The following COX11 variants were observed in gnomAD, a reference collection of about 807,000 sequenced individuals.
COX11 encodes cytochrome c oxidase assembly protein COX11, mitochondrial.
COX11 carries 18 observed loss-of-function variants against 29.4 expected under a neutral mutation model. The ratio of observed to expected loss-of-function variants is 0.61; its 90% CI spans 0.42 to 0.91. COX11 has a LOEUF of 0.91. Ranked by LOEUF, COX11 falls within the 40% of genes least tolerant of loss-of-function variation. The pLI, the probability that COX11 is intolerant of heterozygous loss-of-function variation, is 0.00. For synonymous variants in COX11, 131 were observed against 124.0 expected, an observed-to-expected ratio of 1.06 and a Z score of -0.38; for missense variants, 312 against 346.0, an observed-to-expected ratio of 0.90 and a Z score of 0.78.
chr17:54,956,300 A>G (rs2049499567), downstream of COX11, among the ~76,000 whole-genome samples: 1 of 151,952 alleles, frequency 6.6e-6, no homozygotes, highest in African/African-American at 2.4e-5. Flanking sequence ...GTGTGCTACC[A>G]TGCCTGGCTA....
At chr17:54,956,841 G>C (rs1036130897), downstream of COX11, 1 of 150,038 alleles carries the variant, frequency 6.7e-6, no homozygotes, top group Non-Finnish European at 1.5e-5. Flanking sequence ...GGTTTTATGG[G>C]GTGATAGAGA....
downstream of COX11, among the ~76,000 whole-genome samples, chr17:54,956,489 G>A (rs1366377841): frequency 9.2e-5 from 14 of 152,082 alleles, no homozygotes; most frequent in Non-Finnish European, 2.1e-4. Flanking sequence ...TGTATATTTA[G>A]TAGAGACAGG....
At position 54,968,407 on chromosome 17, in the gene COX11, G is replaced by T. The variant is rs369467068; in HGVS notation, c.240C>A (p.Phe80Leu). 1.9e-6 allele frequency: 3 copies of T among 1,613,466 alleles called. No individual in the cohort carries two copies. Residue 80 changes from phenylalanine (F) to leucine (L), a missense_variant, in exon 1 of 4, where the codon TTC becomes TTA. Around this residue, in one of 2 missense-constraint regions of COX11, gnomAD observed 130 missense variants for 106.0 expected, o/e 1.23. Transcript: ENST00000299335. ...GCCGCTCCTCCTCCTGCGCGCGTGT[G>T]AAAGGGTTCGAGCTCTTAGGCCGCC... ...PPRRPKSSNPFTRAQEEERRR... is the reference protein window; with the variant it reads ...PPRRPKSSNPLTRAQEEERRR...
chr17:54,966,780 T>C (rs753714378), intron 1 of COX11, among the ~76,000 whole-genome samples: 7 of 152,346 alleles, frequency 4.6e-5, no homozygotes, highest in Non-Finnish European at 8.8e-5. Flanking sequence ...ATACTCATCC[T>C]CAAAATCAAC....
At chr17:54,966,656 T>C (rs1216932740) in intron 1 of COX11, among the ~76,000 whole-genome samples, 1 of 152,230 alleles carries the variant, frequency 6.6e-6, no homozygotes, top group African/African-American at 2.4e-5. Context: ...CCTGGCGGTC[T>C]GAGAAGGATC....
chr17:54,968,754 C>G, upstream of COX11: 1 of 1,335,670 alleles, frequency 7.5e-7, no homozygotes, highest in South Asian at 1.4e-5. Context: ...GCCTTGGCTA[C>G]CAGGCTCCTC....
downstream of COX11, among the ~76,000 whole-genome samples, chr17:54,959,037 T>C (rs2077037800): frequency 6.6e-6 from 1 of 152,174 alleles, no homozygotes. Context: ...AGTTTCCATA[T>C]CAAGACATTT....
In COX11 at chr17:54,961,153, C is replaced by T. The variant is rs2077113145; in HGVS notation, c.*1580G>A. Reference sequence around the variant, plus strand: ...ACTAGACTGTGACTCTCCAGCTTCCCAGTAAAGACAAGAGAGTTATCAAGG... The same window carrying T: ...ACTAGACTGTGACTCTCCAGCTTCCTAGTAAAGACAAGAGAGTTATCAAGG... On this transcript the variant is annotated 3_prime_UTR_variant, in exon 4 of 4. Coordinates refer to ENST00000299335, the MANE Select transcript of COX11 (RefSeq NM_004375.5). 2.0e-6 allele frequency: 2 copies of T among 978,180 alleles called. No individual in the cohort carries two copies. Among genetic ancestry groups the T allele is most frequent in the East Asian group, 5.2e-5 (2 of 38,364 alleles). The allele number at this position is 978,180 out of a possible 1,614,324, so 60.6% of individuals were successfully genotyped here.
chr17:54,956,796 C>T (rs538412945), downstream of COX11: 2 of 152,208 alleles, frequency 1.3e-5, no homozygotes, highest in African/African-American at 2.4e-5. Flanking sequence ...AATAAAGCAC[C>T]GGGCATAGTC....
chr17:54,964,918 A>G, intron 1 of COX11, 66 bp from the exon 2 acceptor site: 1 of 1,494,994 alleles, frequency 6.7e-7, no homozygotes, highest in East Asian at 2.3e-5. Context: ...TATTTGATAA[A>G]AGTTTAAAAA....
downstream of COX11, among the ~76,000 whole-genome samples, chr17:54,959,826 A>G (rs191598173): frequency 5.9e-4 from 90 of 152,160 alleles, no homozygotes; most frequent in Admixed American, 1.4e-3. Flanking sequence ...CATGTTGTTC[A>G]TACTGGTCTT....
chr17:54,965,618 G>C (rs1211672691), intron 1 of COX11, among the ~76,000 whole-genome samples: 3 of 152,096 alleles, frequency 2.0e-5, no homozygotes, highest in Non-Finnish European at 4.4e-5. Context: ...CATGAGGTCA[G>C]GAGATGGAGA....
chr17:54,968,638 C>G lies in COX11; in HGVS notation c.9G>C (p.Gly3=), dbSNP rs773236524. 1.5e-5 allele frequency: 24 copies of G among 1,612,006 alleles called. No individual in the cohort carries two copies. The highest frequency in any genetic ancestry group is 1.9e-5 in the Non-Finnish European group (23 of 1,179,870). The change falls in exon 1 of 4, where the codon GGG becomes GGC. Residue 3 remains glycine (G), a synonymous_variant. Coordinates refer to ENST00000299335, the MANE Select transcript of COX11 (RefSeq NM_004375.5). MG[G]LWRPGWRCVP... ...CGCACCTCCATCCAGGACGCCAGAG[C>G]CCTCCCATAACCCTCTGAACTAACA...
At chr17:54,968,714 T>C, upstream of COX11, 2 of 1,517,182 alleles carry the variant, frequency 1.3e-6, no homozygotes, top group Middle Eastern at 1.8e-4. Context: ...GCGTGCTCCG[T>C]CTCGCGAGAT....
chr17:54,968,110 C>T (rs1047235500), intron 1 of COX11, among the ~76,000 whole-genome samples, 171 bp downstream of exon 1: 1 of 148,472 alleles, frequency 6.7e-6, no homozygotes, highest in African/African-American at 2.5e-5. Flanking sequence ...TCACCAATTT[C>T]TTTGGTGACT....
chr17:54,966,789 A>G (rs1402167713), intron 1 of COX11, among the ~76,000 whole-genome samples: 1 of 152,236 alleles, frequency 6.6e-6, no homozygotes, highest in East Asian at 1.9e-4. Flanking sequence ...CTCAAAATCA[A>G]CTATTGCACA....
intron 2 of COX11, among the ~76,000 whole-genome samples, chr17:54,964,182 A>G (rs2077180615): frequency 1.3e-5 from 2 of 152,176 alleles, no homozygotes; most frequent in Admixed American, 1.3e-4. Context: ...AAATTTTAGG[A>G]AAGCGTTTAG....
At chr17:54,959,813 T>C (rs947513651), downstream of COX11, among the ~76,000 whole-genome samples, 3 of 152,016 alleles carry the variant, frequency 2.0e-5, no homozygotes, top group Non-Finnish European at 4.4e-5. Flanking sequence ...GATGGTATTT[T>C]GCCATGTTGT....
Position 54,968,420 on chromosome 17 carries a change from C to G in COX11, c.227G>C (p.Ser76Thr), listed in dbSNP as rs757543197. The change falls in exon 1 of 4, where the codon AGC (serine) becomes ACC (threonine). Residue 76 changes from serine (S) to threonine (T), a missense_variant. Physicochemically the swap from Ser to Thr is moderately conservative, Grantham distance 58 (BLOSUM62 1). Transcript: ENST00000299335. ...PALQPPRRPKSSNPFTRAQEE... is the reference protein window; with the variant it reads ...PALQPPRRPKTSNPFTRAQEE... ...CTGCGCGCGTGTGAAAGGGTTCGAG[C>G]TCTTAGGCCGCCGCGGCGGCTGCAA... 2 of 1,613,404 alleles carry G rather than the reference C, an allele frequency of 1.2e-6. No individual in the cohort carries two copies. The highest frequency in any genetic ancestry group is 1.7e-6 in the Non-Finnish European group (2 of 1,180,014).
Sources: allele counts gnomAD v4.1 joint callset (sites outside exome capture counted in the v4.1 genomes callset), GRCh38; gene constraint gnomAD v4.1.1; regional missense constraint gnomAD v4.1.1; transcripts MANE v1.5; gene names NCBI Gene and HGNC (gene_info 2026-07-23, HGNC 2026-07-21).